Variants in COL15A1 observed in about 807,000 individuals in gnomAD.
The protein encoded by COL15A1 is collagen type XV alpha 1 chain, also known as collagen alpha-1(XV) chain.
In COL15A1, 111 loss-of-function variants were observed where a neutral mutation model predicts 165.9. That is an observed-to-expected ratio of 0.67 (90% CI 0.57 to 0.78). The LOEUF is 0.78. Among genes scored for constraint, COL15A1 ranks in the 30% least tolerant of loss-of-function variants. COL15A1 has a pLI of 0.00. For synonymous variants in COL15A1, 659 were observed against 674.8 expected (o/e 0.98, Z 0.36); for missense variants, 1,745 against 1,789.7 (o/e 0.98, Z 0.45).
intron 16 of COL15A1, among the ~76,000 whole-genome samples, chr9:99,031,267 C>T (rs908875132): frequency 6.6e-6 from 1 of 152,162 alleles, no homozygotes; most frequent in African/African-American, 2.4e-5. Context: ...CCCCTGTGAT[C>T]CCCATTCCTA....
chr9:99,068,218 C>T (rs767804585), intron 40 of COL15A1, among the ~76,000 whole-genome samples: 60 of 152,096 alleles, frequency 3.9e-4, no homozygotes, highest in Admixed American at 1.8e-3. Flanking sequence ...GTATTCCCAG[C>T]ACTTTGGGAG....
chr9:99,050,629 A>ATAATCAT (rs1433733379), intron 30 of COL15A1, among the ~76,000 whole-genome samples: 1 of 152,256 alleles, frequency 6.6e-6, no homozygotes, highest in Non-Finnish European at 1.5e-5. Flanking sequence ...AGAACCATGC[A>ATAATCAT]TAATCATTCT....
chr9:99,021,563 G>A (rs1839028094), intron 12 of COL15A1, among the ~76,000 whole-genome samples: 1 of 152,194 alleles, frequency 6.6e-6, no homozygotes, highest in Admixed American at 6.5e-5. Context: ...GTGTGCTTCT[G>A]TCATTCGAAA....
chr9:99,035,578 G>A lies in COL15A1; in HGVS notation c.2289+160G>A, dbSNP rs1003602233. Among the ~76,000 whole-genome samples, 4 of 152,322 alleles carry A rather than the reference G, an allele frequency of 2.6e-5. No individual in the cohort carries two copies. The East Asian group carries it at 7.7e-4, about 29-fold the overall frequency. ...ATAGGGAAATGAGATGCTCTTTACA[G>A]CTTGTGTCTTTGAGGAACAGCATAG... On this transcript the variant is annotated intron_variant, in intron 19 of 41. Transcript: ENST00000375001.
intron 2 of COL15A1, among the ~76,000 whole-genome samples, chr9:98,961,565 C>A (rs373948255): frequency 6.6e-6 from 1 of 152,144 alleles, no homozygotes; most frequent in South Asian, 2.1e-4. Context: ...GAATGTGGCT[C>A]GAACACGTTG....
chr9:98,989,034 A>ACACACC (rs1449220635), intron 4 of COL15A1, 144 bp from the exon 5 acceptor site: 2 of 660,534 alleles, frequency 3.0e-6, no homozygotes, highest in African/African-American at 1.8e-5. Flanking sequence ...ACACACACAC[A>ACACACC]CACACACACA....
intron 2 of COL15A1, among the ~76,000 whole-genome samples, chr9:98,952,624 C>A (rs1386649180): frequency 6.6e-6 from 1 of 152,074 alleles, no homozygotes; most frequent in African/African-American, 2.4e-5. Context: ...TGGGCTCAAG[C>A]AATCCTCCCA....
chr9:99,066,847 A>C (rs1420849931), intron 39 of COL15A1, 35 bp from the exon 40 acceptor site: 1 of 1,588,380 alleles, frequency 6.3e-7, no homozygotes, highest in South Asian at 1.1e-5. Flanking sequence ...TTTGCCTTTG[A>C]TTCTGACTGC....
At chr9:98,965,210 C>T (rs1212980722) in intron 2 of COL15A1, among the ~76,000 whole-genome samples, 2 of 152,182 alleles carry the variant, frequency 1.3e-5, no homozygotes, top group African/African-American at 4.8e-5. Context: ...AAATGGTCAG[C>T]TAGAACCTTC....
intron 36 of COL15A1, 38 bp from the exon 37 acceptor site, chr9:99,061,922 CATTCCTCTAAT>C: frequency 1.3e-6 from 2 of 1,584,336 alleles, no homozygotes; most frequent in East Asian, 4.5e-5. Context: ...CAGATGGTGC[CATTCCTCTAAT>C]GATAATGGCA....
chr9:98,963,891 C>T (rs1837906197), intron 2 of COL15A1, among the ~76,000 whole-genome samples: 1 of 152,208 alleles, frequency 6.6e-6, no homozygotes, highest in South Asian at 2.1e-4. Context: ...CAGTGCCAGG[C>T]ATGTGACGGT....
intron 2 of COL15A1, among the ~76,000 whole-genome samples, chr9:98,949,589 A>G (rs1378730350): frequency 6.6e-6 from 1 of 152,134 alleles, no homozygotes; most frequent in African/African-American, 2.4e-5. Flanking sequence ...TGCATATTTG[A>G]TCTTACTGTA....
intron 5 of COL15A1, among the ~76,000 whole-genome samples, chr9:98,994,338 G>A (rs4327910): frequency 0.21 from 31,583 of 152,002 alleles, 3,662 homozygotes; most frequent in African/African-American, 0.31. Flanking sequence ...TGGACAGACC[G>A]AGCACTTTCT....
At position 99,003,481 on chromosome 9, in the gene COL15A1, C is replaced by A; in HGVS notation, c.1094C>A (p.Ala365Asp). 3.3e-6 allele frequency: 5 copies of A among 1,536,764 alleles called. No individual in the cohort carries two copies. The highest frequency in any genetic ancestry group is 4.4e-6 in the Non-Finnish European group (5 of 1,140,834). Residue 365 changes from alanine to aspartate, a missense_variant, in exon 8 of 42, where the codon GCC becomes GAC. Coordinates refer to ENST00000375001, the MANE Select transcript of COL15A1 (RefSeq NM_001855.5). ...TTAGCAGCAACAGCAGCGGGGCTGG[C>A]CGAGGTGCCCATCAGCACTGCTGGA... is the stretch of plus-strand genomic sequence containing the variant. ...KNLAATAAGLAEVPISTAGEA... is the reference protein window; with the variant it reads ...KNLAATAAGLDEVPISTAGEA...
chr9:99,062,452 G>T, intron 38 of COL15A1, 148 bp downstream of exon 38: 1 of 670,840 alleles, frequency 1.5e-6, no homozygotes. Context: ...ATTAATGGGT[G>T]CTAACAGGAG....
intron 36 of COL15A1, among the ~76,000 whole-genome samples, chr9:99,060,234 T>TATATA (rs1825788210): frequency 1.2e-5 from 1 of 84,856 alleles, no homozygotes; most frequent in African/African-American, 4.7e-5. Context: ...TTATATATTT[T>TATATA]TATATATATA....
intron 2 of COL15A1, among the ~76,000 whole-genome samples, chr9:98,953,204 C>T (rs1423146539): frequency 6.6e-6 from 1 of 152,140 alleles, no homozygotes; most frequent in African/African-American, 2.4e-5. Flanking sequence ...TGGGGTATGA[C>T]CTATTGCTGT....
rs1370775059 is a variant in COL15A1, at chr9:99,035,044, C to T, written c.2110C>T (p.Pro704Ser). ...GDPGNRGLPG[P>S]PGKKGQAGPP... ...CCCTGGCAACAGAGGCTTACCTGGA[C>T]CCCCGGGGAAAAAGGGACAAGCTGG... Residue 704 changes from proline to serine, a missense_variant, in exon 18 of 42, where the codon CCC becomes TCC. Coordinates refer to ENST00000375001, the MANE Select transcript of COL15A1 (RefSeq NM_001855.5). 2 of 1,612,302 alleles carry T rather than the reference C, an allele frequency of 1.2e-6. No individual in the cohort carries two copies. Among genetic ancestry groups the T allele is most frequent in the East Asian group, 2.2e-5 (1 of 44,896 alleles).
intron 2 of COL15A1, among the ~76,000 whole-genome samples, chr9:98,970,787 G>A (rs1274517792): frequency 2.6e-5 from 4 of 152,122 alleles, no homozygotes; most frequent in African/African-American, 9.7e-5. Context: ...GTGTGCATGT[G>A]TCAGTGTGTG....
Sources: allele counts gnomAD v4.1 joint callset (sites outside exome capture counted in the v4.1 genomes callset), GRCh38; gene constraint gnomAD v4.1.1; transcripts MANE v1.5; gene names NCBI Gene and HGNC (gene_info 2026-07-23, HGNC 2026-07-21).